METAP2: variants seen among roughly 807,000 people sequenced by gnomAD.
METAP2 encodes methionyl aminopeptidase 2.
In METAP2, 25 loss-of-function variants were observed where a neutral mutation model predicts 59.4. The observed-to-expected ratio is 0.42, with a 90% CI of 0.31 to 0.59. METAP2 has a LOEUF of 0.59. METAP2 is among the 20% of genes least tolerant of loss of function. The pLI is 0.16. For synonymous variants in METAP2, 214 were observed against 194.1 expected, an observed-to-expected ratio of 1.10 and a Z score of -0.85; for missense variants, 366 against 581.2, an observed-to-expected ratio of 0.63 and a Z score of 3.81.
intron 7 of METAP2, among the ~76,000 whole-genome samples, chr12:95,501,947 G>A (rs1185892806): frequency 6.7e-6 from 1 of 150,308 alleles, no homozygotes; most frequent in Non-Finnish European, 1.5e-5. Context: ...AACTCCATCA[G>A]CTTTCGTCTG....
intron 3 of METAP2, among the ~76,000 whole-genome samples, chr12:95,484,073 G>A (rs1401287161): frequency 6.6e-6 from 1 of 152,132 alleles, no homozygotes; most frequent in African/African-American, 2.4e-5. Context: ...AGGAAGAAAG[G>A]TTGGGTTGAG....
At chr12:95,478,161 T>C (rs1225531230) in intron 2 of METAP2, among the ~76,000 whole-genome samples, 2 of 152,048 alleles carry the variant, frequency 1.3e-5, no homozygotes, top group Non-Finnish European at 1.5e-5. Flanking sequence ...CTTGAAGTGT[T>C]ATCTTGTTCT....
chr12:95,479,076 C>T (rs1248969862), intron 2 of METAP2, among the ~76,000 whole-genome samples: 1 of 151,962 alleles, frequency 6.6e-6, no homozygotes, highest in South Asian at 2.1e-4. Context: ...GACCCTGTCT[C>T]TTAACAAAAA....
At chr12:95,498,329 T>C (rs2076290531) in intron 7 of METAP2, among the ~76,000 whole-genome samples, 1 of 152,192 alleles carries the variant, frequency 6.6e-6, no homozygotes, top group African/African-American at 2.4e-5. Flanking sequence ...CTGTATAGAT[T>C]CTGGATGTTA....
chr12:95,500,732 A>G (rs1437470169), intron 7 of METAP2, among the ~76,000 whole-genome samples: 3 of 152,172 alleles, frequency 2.0e-5, no homozygotes, highest in Admixed American at 6.6e-5. Context: ...AAATCCCACT[A>G]AGTCATGGTG....
chr12:95,493,929 CTT>C, intron 4 of METAP2, 125 bp from the exon 5 acceptor site: 1 of 738,994 alleles, frequency 1.4e-6, no homozygotes, highest in Non-Finnish European at 2.0e-6. Flanking sequence ...ATTTCAGAAA[CTT>C]TATTGACATA....
At chr12:95,509,247 G>A (rs1472049348) in intron 8 of METAP2, among the ~76,000 whole-genome samples, 4 of 152,154 alleles carry the variant, frequency 2.6e-5, no homozygotes, top group Admixed American at 2.6e-4. Context: ...GGGTCAGTCT[G>A]CAAAGTTTGA....
chr12:95,511,322 C>A (rs952616926), intron 8 of METAP2, among the ~76,000 whole-genome samples: 1 of 149,952 alleles, frequency 6.7e-6, no homozygotes, highest in Non-Finnish European at 1.5e-5. Context: ...CTCCTTATAC[C>A]TCCTTAGATG....
rs1045124844 is a variant in METAP2, at chr12:95,514,151, T to C, written c.*247T>C. 10 of 485,596 alleles carry C rather than the reference T, an allele frequency of 2.1e-5. No individual in the cohort carries two copies. The highest frequency in any genetic ancestry group is 4.0e-5 in the African/African-American group (2 of 50,318). 30.1% of individuals were successfully genotyped at this position (485,596 alleles called of 1,614,324 possible). ...CCTGTCTAGGAAAATGCTATAAAGC[T>C]CAAATTAGTTAGGAATGACTTATAC... On this transcript the variant is annotated 3_prime_UTR_variant, in exon 11 of 11. Transcript: ENST00000323666.
chr12:95,481,786 C>T (rs1594412475), intron 2 of METAP2, among the ~76,000 whole-genome samples: 1 of 152,188 alleles, frequency 6.6e-6, no homozygotes, highest in African/African-American at 2.4e-5. Context: ...GGTGATGTAT[C>T]TTCAAGTATT....
chr12:95,503,145 G>T (rs1471591046), intron 7 of METAP2, among the ~76,000 whole-genome samples: 3 of 151,918 alleles, frequency 2.0e-5, no homozygotes, highest in Non-Finnish European at 4.4e-5. Flanking sequence ...GTTGAACACT[G>T]CCTATTTCAA....
chr12:95,513,123 A>ACACACG (rs1225146366), intron 10 of METAP2, among the ~76,000 whole-genome samples: 2 of 150,868 alleles, frequency 1.3e-5, no homozygotes, highest in East Asian at 3.9e-4. Flanking sequence ...ACACACACAC[A>ACACACG]CACACACACA....
At chr12:95,503,521 G>T (rs2076332083) in intron 7 of METAP2, among the ~76,000 whole-genome samples, 1 of 152,130 alleles carries the variant, frequency 6.6e-6, no homozygotes, top group African/African-American at 2.4e-5. Flanking sequence ...AAGCGCTGAG[G>T]TGTGCAACTA....
chr12:95,492,132 T>TTGTGTGTGTGTGTGTG (rs61423721), intron 4 of METAP2, among the ~76,000 whole-genome samples: 3,601 of 149,386 alleles, frequency 0.024, 133 homozygotes, highest in African/African-American at 0.084. Context: ...ATATGTGTGT[T>TTGTGTGTGTGTGTGTG]TGTGTGTGTG....
At chr12:95,500,499 T>C (rs1424457848) in intron 7 of METAP2, among the ~76,000 whole-genome samples, 8 of 152,220 alleles carry the variant, frequency 5.3e-5, no homozygotes, top group Admixed American at 1.3e-4. Context: ...TCTTTGACCA[T>C]TGAGTATGAT....
chr12:95,482,242 A>T (rs986097596), intron 2 of METAP2: 5 of 434,382 alleles, frequency 1.2e-5, no homozygotes, highest in Non-Finnish European at 2.3e-5. Context: ...TTTCCAAGTA[A>T]CTGGGACTAT....
intron 7 of METAP2, among the ~76,000 whole-genome samples, chr12:95,500,008 G>A (rs777839308): frequency 6.6e-6 from 1 of 152,194 alleles, no homozygotes; most frequent in African/African-American, 2.4e-5. Flanking sequence ...ATTACAATTC[G>A]AGAGGAGATT....
chr12:95,484,873 G>C (rs1243959659), intron 3 of METAP2: 4 of 454,994 alleles, frequency 8.8e-6, no homozygotes, highest in Non-Finnish European at 1.8e-5. Context: ...CCTCATTTCA[G>C]GTACTATTCT....
intron 8 of METAP2, among the ~76,000 whole-genome samples, chr12:95,505,418 C>A (rs1333685968): frequency 2.0e-5 from 3 of 152,128 alleles, no homozygotes; most frequent in Admixed American, 1.3e-4. Flanking sequence ...ACCTTTGCCT[C>A]CTGGGTTCAA....
Sources: allele counts gnomAD v4.1 joint callset (sites outside exome capture counted in the v4.1 genomes callset), GRCh38; gene constraint gnomAD v4.1.1; transcripts MANE v1.5; gene names NCBI Gene and HGNC (gene_info 2026-07-23, HGNC 2026-07-21).